The following CHRM2 variants were observed in gnomAD, a reference collection of about 807,000 sequenced individuals.
The protein encoded by CHRM2 is muscarinic acetylcholine receptor M2.
CHRM2 carries 8 observed loss-of-function variants against 25.0 expected under a neutral mutation model. That is an observed-to-expected ratio of 0.32 (90% confidence interval 0.19 to 0.58). CHRM2 has a LOEUF of 0.58. CHRM2 is among the 20% of genes least tolerant of loss of function. The probability of loss-of-function intolerance (pLI) is 0.88; values close to 1 mark genes in which losing one functional copy is unlikely to be tolerated. For missense variants in CHRM2, 440 were observed against 567.1 expected (o/e 0.78, Z 2.28); for synonymous variants, 202 against 205.7 (o/e 0.98, Z 0.15).
chr7:136,906,967 TG>T, intron 2 of CHRM2: 1 of 154,070 alleles, frequency 6.5e-6, no homozygotes, highest in Non-Finnish European at 1.4e-5. Flanking sequence ...TGGCCCCATC[TG>T]GGGGTGATGG....
chr7:136,979,741 A>G (rs1191762901), intron 2 of CHRM2, among the ~76,000 whole-genome samples: 1 of 152,196 alleles, frequency 6.6e-6, no homozygotes, highest in Non-Finnish European at 1.5e-5. Context: ...GGTTTGTCAA[A>G]GATCAGACGA....
At chr7:136,980,516 T>C (rs1802415380) in intron 2 of CHRM2, among the ~76,000 whole-genome samples, 1 of 152,242 alleles carries the variant, frequency 6.6e-6, no homozygotes, top group Non-Finnish European at 1.5e-5. Context: ...ATCCTTGTCT[T>C]CTGCCAGTTT....
At chr7:136,913,710 C>T (rs1797964125) in intron 2 of CHRM2, among the ~76,000 whole-genome samples, 1 of 151,884 alleles carries the variant, frequency 6.6e-6, no homozygotes, top group African/African-American at 2.4e-5. Flanking sequence ...CTTATCACTT[C>T]AATGACATTT....
chr7:136,884,689 T>C (rs1796394469), intron 2 of CHRM2, among the ~76,000 whole-genome samples: 1 of 152,110 alleles, frequency 6.6e-6, no homozygotes, highest in Non-Finnish European at 1.5e-5. Context: ...TCCTGGGGAA[T>C]GTTGGGAAGG....
In CHRM2 at chr7:136,921,794, C is replaced by CTTTTTTTTTT. The variant is rs398006503; in HGVS notation, c.-125+52384_-125+52385insTTTTTTTTTT. On this transcript the variant is annotated intron_variant, in intron 2 of 3. Transcript: ENST00000680005. ...TCTTTCTTTCTTTCTTTCTTTCTTT[C>CTTTTTTTTTT]TTTTTTTTGAGACAGATTCTCACTC... Among the ~76,000 whole-genome samples the CTTTTTTTTTT allele has an allele frequency of 9.9e-4, 116 of 116,618 alleles. 10 individuals carry two copies. Among genetic ancestry groups the CTTTTTTTTTT allele is most frequent in the Middle Eastern group, 5.0e-3 (1 of 200 alleles). 76.5% of individuals were successfully genotyped at this position (116,618 alleles called of 152,430 possible).
intron 2 of CHRM2, among the ~76,000 whole-genome samples, chr7:136,989,222 AT>A (rs11349629): frequency 0.2 from 30,279 of 150,938 alleles, 3,027 homozygotes; most frequent in East Asian, 0.32. Flanking sequence ...AAGGTTAAAG[AT>A]TTTTGTTTTT....
At chr7:136,931,489 G>A (rs1427450631) in intron 2 of CHRM2, among the ~76,000 whole-genome samples, 1 of 152,192 alleles carries the variant, frequency 6.6e-6, no homozygotes, top group Non-Finnish European at 1.5e-5. Context: ...AGGAAGCCAC[G>A]TAATGCACAT....
intron 3 of CHRM2, among the ~76,000 whole-genome samples, chr7:136,995,569 C>T (rs1347888947): frequency 6.6e-6 from 1 of 152,048 alleles, no homozygotes; most frequent in Non-Finnish European, 1.5e-5. Flanking sequence ...TCAGGACCAG[C>T]CTGGACAATA....
chr7:136,972,134 T>A (rs949004044), intron 2 of CHRM2, among the ~76,000 whole-genome samples: 1 of 152,168 alleles, frequency 6.6e-6, no homozygotes, highest in Non-Finnish European at 1.5e-5. Context: ...ATGCCTTTTT[T>A]TTTTTCGTGG....
intron 2 of CHRM2, among the ~76,000 whole-genome samples, chr7:136,977,718 G>A (rs1448425511): frequency 6.6e-6 from 1 of 152,162 alleles, no homozygotes; most frequent in Non-Finnish European, 1.5e-5. Flanking sequence ...CAAATGCAAG[G>A]AGGTAAAAGA....
chr7:136,882,911 T>G (rs1796320549), intron 2 of CHRM2, among the ~76,000 whole-genome samples: 1 of 152,182 alleles, frequency 6.6e-6, no homozygotes, highest in Non-Finnish European at 1.5e-5. Context: ...CAGTATATTT[T>G]TTCCATATTA....
chr7:136,935,613 G>A (rs998560783), intron 2 of CHRM2, among the ~76,000 whole-genome samples: 1 of 152,092 alleles, frequency 6.6e-6, no homozygotes, highest in Non-Finnish European at 1.5e-5. Context: ...TTGATTAAGT[G>A]GCCCCACTCT....
At chr7:136,939,747 G>T (rs574157808) in intron 2 of CHRM2, among the ~76,000 whole-genome samples, 1 of 152,260 alleles carries the variant, frequency 6.6e-6, no homozygotes, top group African/African-American at 2.4e-5. Flanking sequence ...TAATAGAGTG[G>T]ATAGAATAAA....
At chr7:136,968,916 T>C (rs143126381) in intron 2 of CHRM2, among the ~76,000 whole-genome samples, 1 of 152,046 alleles carries the variant, frequency 6.6e-6, no homozygotes, top group East Asian at 1.9e-4. Context: ...ACACCTAATC[T>C]GTGATGTGAT....
rs181466108 is a variant in CHRM2, at chr7:136,975,698, T to G, written c.-124-16489T>G. Among the ~76,000 whole-genome samples the G allele has an allele frequency of 4.9e-3, 754 of 152,332 alleles. 2 individuals carry two copies. Among genetic ancestry groups the G allele is most frequent in the Non-Finnish European group, 8.2e-3 (561 of 68,030 alleles). Reference sequence around the variant, plus strand: ...CTTTATTAAAGAGTGCTATAAGATTTCCATTTATTTTATCTCTTCCTATTG... The same window carrying G: ...CTTTATTAAAGAGTGCTATAAGATTGCCATTTATTTTATCTCTTCCTATTG... On this transcript the variant is annotated intron_variant, in intron 2 of 3. Coordinates refer to ENST00000680005, the MANE Select transcript of CHRM2 (RefSeq NM_001006630.2).
intron 2 of CHRM2, among the ~76,000 whole-genome samples, chr7:136,949,077 G>A (rs1212868019): frequency 6.6e-6 from 1 of 152,172 alleles, no homozygotes; most frequent in Non-Finnish European, 1.5e-5. Context: ...GTCACACAAA[G>A]ACACTAGGCG....
At chr7:136,920,097 T>C (rs1163273422) in intron 2 of CHRM2, among the ~76,000 whole-genome samples, 4 of 151,866 alleles carry the variant, frequency 2.6e-5, no homozygotes, top group Non-Finnish European at 5.9e-5. Context: ...TTCAACCTTA[T>C]ATGGTGACAT....
At chr7:136,947,883 C>T (rs1800162134) in intron 2 of CHRM2, among the ~76,000 whole-genome samples, 1 of 151,998 alleles carries the variant, frequency 6.6e-6, no homozygotes, top group Non-Finnish European at 1.5e-5. Flanking sequence ...GTCTTAATAG[C>T]CTCAATTCCT....
chr7:136,911,412 A>T (rs1274030861), intron 2 of CHRM2, among the ~76,000 whole-genome samples: 2 of 151,940 alleles, frequency 1.3e-5, no homozygotes, highest in Admixed American at 1.3e-4. Context: ...CTCAATTTAC[A>T]TTTGAGGAAA....
Sources: allele counts gnomAD v4.1 joint callset (sites outside exome capture counted in the v4.1 genomes callset), GRCh38; gene constraint gnomAD v4.1.1; transcripts MANE v1.5; gene names NCBI Gene and HGNC (gene_info 2026-07-23, HGNC 2026-07-21).